The following INTS9 variants were observed in gnomAD, a reference collection of about 807,000 sequenced individuals.
INTS9 encodes the protein integrator complex subunit 9.
A neutral mutation model predicts 79.7 loss-of-function variants in INTS9; 55 were observed. The observed-to-expected ratio is 0.69, with a 90% CI of 0.56 to 0.86. INTS9 has a LOEUF of 0.86. INTS9 is among the 40% of genes least tolerant of loss of function. INTS9 has a pLI of 0.00. For synonymous variants in INTS9, 319 were observed against 325.2 expected, an observed-to-expected ratio of 0.98 and a Z score of 0.20; for missense variants, 721 against 831.5, an observed-to-expected ratio of 0.87 and a Z score of 1.64.
chr8:28,881,659 G>A (rs1809823903), intron 1 of INTS9, among the ~76,000 whole-genome samples: 4 of 128,764 alleles, frequency 3.1e-5, no homozygotes, highest in Non-Finnish European at 6.8e-5. Context: ...ACTGGGAAGT[G>A]AGGAGCCCCT....
chr8:28,841,023 G>C (rs1807153170), intron 4 of INTS9, among the ~76,000 whole-genome samples: 1 of 151,412 alleles, frequency 6.6e-6, no homozygotes, highest in African/African-American at 2.4e-5. Flanking sequence ...GTGCCATTCT[G>C]GCTATGGGTA....
At position 28,796,623 on chromosome 8, in the gene INTS9, A is replaced by G. The variant is rs1318887271; in HGVS notation, c.777T>C (p.Asp259=). 6.2e-7 allele frequency: 1 copy of G among 1,614,034 alleles called. No individual in the cohort carries two copies. The highest frequency in any genetic ancestry group is 8.5e-7 in the Non-Finnish European group (1 of 1,179,862). Residue 259 remains aspartate, a synonymous_variant, in exon 9 of 17, where the codon GAT becomes GAC. Coordinates refer to ENST00000521022, the MANE Select transcript of INTS9 (RefSeq NM_018250.4). ...PMDQASLKNS[D]VLVLTGLTQI... is the part of the protein sequence containing the mutation. ...GGGTAAGCCCTGTCAGAACAAGAACATCGCTGTTTTTGAGAGAAGCTTGGT... is the reference window on the plus strand; with the variant it reads ...GGGTAAGCCCTGTCAGAACAAGAACGTCGCTGTTTTTGAGAGAAGCTTGGT...
intron 4 of INTS9, among the ~76,000 whole-genome samples, chr8:28,845,036 A>C (rs1807425142): frequency 6.6e-6 from 1 of 152,162 alleles, no homozygotes; most frequent in Admixed American, 6.5e-5. Flanking sequence ...TCAAACTCAT[A>C]TTGTTCAAGG....
At chr8:28,858,501 C>T (rs1394130723) in intron 2 of INTS9, among the ~76,000 whole-genome samples, 1 of 152,188 alleles carries the variant, frequency 6.6e-6, no homozygotes, top group Non-Finnish European at 1.5e-5. Flanking sequence ...CTGTGGGTGG[C>T]ACATGTATTT....
At chr8:28,877,320 A>G (rs1451067978) in intron 1 of INTS9, among the ~76,000 whole-genome samples, 3 of 152,188 alleles carry the variant, frequency 2.0e-5, no homozygotes, top group East Asian at 1.9e-4. Flanking sequence ...ATATATAAAA[A>G]TATGCTCCAC....
chr8:28,831,589 A>T (rs532146042), intron 6 of INTS9, among the ~76,000 whole-genome samples: 1 of 152,340 alleles, frequency 6.6e-6, no homozygotes, highest in East Asian at 1.9e-4. Flanking sequence ...TTGTGTGGCC[A>T]AATGGGAGGC....
intron 1 of INTS9, chr8:28,862,179 C>T (rs1808498528): frequency 1.0e-6 from 1 of 985,386 alleles, no homozygotes; most frequent in Non-Finnish European, 1.2e-6. Context: ...TCCTCTGTCA[C>T]CAAGCAGCAT....
At chr8:28,812,791 C>A (rs951500643) in intron 7 of INTS9, among the ~76,000 whole-genome samples, 3 of 152,208 alleles carry the variant, frequency 2.0e-5, no homozygotes, top group Admixed American at 6.5e-5. Flanking sequence ...GTTGAGGCTG[C>A]AGTGAGCCAT....
At chr8:28,785,531 A>G (rs1438335395) in intron 11 of INTS9, among the ~76,000 whole-genome samples, 1 of 152,116 alleles carries the variant, frequency 6.6e-6, no homozygotes, top group African/African-American at 2.4e-5. Context: ...ATTTATTTTG[A>G]TGTTCCAGTG....
chr8:28,785,437 T>C (rs1285784847), intron 11 of INTS9, among the ~76,000 whole-genome samples: 1 of 152,224 alleles, frequency 6.6e-6, no homozygotes, highest in Non-Finnish European at 1.5e-5. Flanking sequence ...GGAAGAACTT[T>C]CCCCTCTTGC....
intron 6 of INTS9, among the ~76,000 whole-genome samples, chr8:28,829,703 A>G (rs934796892): frequency 1.3e-5 from 2 of 152,228 alleles, no homozygotes; most frequent in African/African-American, 4.8e-5. Context: ...CTCAAGCCTC[A>G]AATCGAATAC....
chr8:28,849,956 A>G (rs1807736191), intron 3 of INTS9: 1 of 347,994 alleles, frequency 2.9e-6, no homozygotes, highest in Non-Finnish European at 5.1e-6. Context: ...TGTGGTGATA[A>G]AAGGTATTTG....
intron 12 of INTS9, among the ~76,000 whole-genome samples, chr8:28,778,762 G>A (rs988180761): frequency 1.6e-4 from 25 of 152,322 alleles, no homozygotes; most frequent in African/African-American, 5.5e-4. Flanking sequence ...GCCCAGCGAC[G>A]AGGGACCCTG....
intron 14 of INTS9, 48 bp downstream of exon 14, chr8:28,775,711 G>A (rs748146699): frequency 1.3e-6 from 2 of 1,592,566 alleles, no homozygotes; most frequent in South Asian, 1.1e-5. Flanking sequence ...ATCTCCAAGA[G>A]CCTCTGTGGA....
chr8:28,862,218 G>T, intron 1 of INTS9: 1 of 984,582 alleles, frequency 1.0e-6, no homozygotes, highest in Non-Finnish European at 1.2e-6. Context: ...TGAGACTAAG[G>T]CACAAAACCA....
At position 28,837,520 on chromosome 8, in the gene INTS9, G is replaced by A. The variant is rs1474426594; in HGVS notation, c.401+117C>T. On this transcript the variant is annotated intron_variant, in intron 5 of 16. Coordinates refer to ENST00000521022, the MANE Select transcript of INTS9 (RefSeq NM_018250.4). ...AGTCGCTTACTCCTGCCTGTTCTTT[G>A]GGTTAGTTGTTCAGAAGGAACTAAC... The A allele has an allele frequency of 9.9e-6, 10 of 1,010,206 alleles. No individual in the cohort carries two copies. The East Asian group carries it at 1.8e-4, about 18-fold the overall frequency. 62.6% of individuals were successfully genotyped at this position (1,010,206 alleles called of 1,614,324 possible). A position where few individuals can be genotyped will look rare whatever the true frequency, so the allele number is the denominator to read the frequency against.
chr8:28,789,408 G>A (rs1208827751), intron 10 of INTS9, among the ~76,000 whole-genome samples: 1 of 151,014 alleles, frequency 6.6e-6, no homozygotes, highest in African/African-American at 2.4e-5. Flanking sequence ...GAGGCTGAAG[G>A]ACCTGATTAG....
chr8:28,795,407 C>T (rs35167980), intron 9 of INTS9, among the ~76,000 whole-genome samples: 30,166 of 151,752 alleles, frequency 0.2, 3,385 homozygotes, highest in East Asian at 0.47. Context: ...TTTGGGAGGC[C>T]GAGGCGGACG....
At chr8:28,872,592 A>C (rs894035896) in intron 1 of INTS9, among the ~76,000 whole-genome samples, 1 of 151,928 alleles carries the variant, frequency 6.6e-6, no homozygotes, top group Admixed American at 6.6e-5. Context: ...CAAAGTGTCA[A>C]AGGGAGAGGA....
Sources: gnomAD v4.1 joint callset for allele counts (sites outside exome capture counted in the v4.1 genomes callset) on GRCh38, gnomAD v4.1.1 for gene constraint, MANE v1.5 for transcripts, NCBI Gene and HGNC (gene_info 2026-07-23, HGNC 2026-07-21) for gene names.